The following SDK1 variants were observed in gnomAD, a reference collection of about 807,000 sequenced individuals.
The protein encoded by SDK1 is protein sidekick-1.
SDK1 carries 157 observed loss-of-function variants against 245.5 expected under a neutral mutation model. The observed-to-expected ratio is 0.64, with a 90% confidence interval of 0.56 to 0.73. SDK1 has a LOEUF of 0.73. SDK1 is among the 30% of genes least tolerant of loss of function. The pLI is 0.00. For missense variants in SDK1, 3,583 were observed against 3,002.3 expected (o/e 1.19, Z -4.52); for synonymous variants, 1,647 against 1,278.5 (o/e 1.29, Z -6.15).
chr7:3,454,781 G>C (rs1475610535), intron 1 of SDK1, among the ~76,000 whole-genome samples: 1 of 152,158 alleles, frequency 6.6e-6, no homozygotes, highest in East Asian at 1.9e-4. Context: ...CAGTTGTTGA[G>C]CTGCTGTGAA....
intron 24 of SDK1, 80 bp downstream of exon 24, chr7:4,113,519 G>T (rs755604795): frequency 6.2e-5 from 93 of 1,496,396 alleles, no homozygotes; most frequent in Non-Finnish European, 7.4e-5. Context: ...GGGCTTAGGA[G>T]TTTCTTAGTC....
rs143917786 is a variant in SDK1, at chr7:4,265,148, G to T, written c.6406G>T (p.Ala2136Ser). The T allele has an allele frequency of 1.9e-6, 3 of 1,612,100 alleles. No homozygotes were observed. The highest frequency in any genetic ancestry group is 1.7e-5 in the Admixed American group (1 of 59,954). Reference sequence around the variant, plus strand: ...GGCCACGGACTCTGACTACGAGGACGCGCTGCCCAAGCACTCCTTCGTGAA... The same window carrying T: ...GGCCACGGACTCTGACTACGAGGACTCGCTGCCCAAGCACTCCTTCGTGAA... ...SEATDSDYEDALPKHSFVNHY... is the reference protein window; with the variant it reads ...SEATDSDYEDSLPKHSFVNHY... Residue 2136 changes from alanine (A) to serine (S), a missense_variant, in exon 45 of 45, where the codon GCG becomes TCG. Physicochemically the swap from Ala to Ser is moderately conservative, Grantham distance 99 (BLOSUM62 1). Transcript: ENST00000404826.
At chr7:4,226,213 C>A (rs970968801) in intron 40 of SDK1, among the ~76,000 whole-genome samples, 4 of 152,194 alleles carry the variant, frequency 2.6e-5, no homozygotes, top group Non-Finnish European at 5.9e-5. Context: ...AATGAATGGG[C>A]CCCGTTTTGT....
At chr7:3,449,244 C>T (rs184342108) in intron 1 of SDK1, among the ~76,000 whole-genome samples, 345 of 152,226 alleles carry the variant, frequency 2.3e-3, no homozygotes, top group Non-Finnish European at 3.9e-3. Flanking sequence ...GGCAAATTGC[C>T]GATTTCACAC....
rs142879245 is a variant in SDK1 at position 3,734,466 on chromosome 7, A to T, written c.714-86984A>T. Among the ~76,000 whole-genome samples the T allele has an allele frequency of 4.8e-3, 738 of 152,358 alleles. 6 individuals carry two copies. Among genetic ancestry groups the T allele is most frequent in the African/African-American group, 0.017 (700 of 41,590 alleles). On this transcript the variant is annotated intron_variant, in intron 4 of 44. Transcript: ENST00000404826. ...TAATCCACTTATAGATGGTGTTAAG[A>T]ATGATCCTTGAAAAGGGATGTACTT...
At chr7:3,900,695 T>A (rs1323929124) in intron 5 of SDK1, among the ~76,000 whole-genome samples, 2 of 152,172 alleles carry the variant, frequency 1.3e-5, no homozygotes, top group African/African-American at 2.4e-5. Flanking sequence ...TCACCCACCA[T>A]GAGCATTTGG....
intron 14 of SDK1, among the ~76,000 whole-genome samples, chr7:3,993,846 C>A (rs963943138): frequency 6.6e-6 from 1 of 152,188 alleles, no homozygotes; most frequent in Admixed American, 6.5e-5. Flanking sequence ...ACTCTTCTCT[C>A]CTGAGGCCAT....
chr7:3,841,559 T>TG (rs1263896267), intron 5 of SDK1, among the ~76,000 whole-genome samples: 1 of 150,926 alleles, frequency 6.6e-6, no homozygotes, highest in Non-Finnish European at 1.5e-5. Flanking sequence ...ATCAGATTAT[T>TG]TTTTTCTCTT....
At chr7:3,935,247 G>A (rs984375525) in intron 5 of SDK1, among the ~76,000 whole-genome samples, 2 of 152,324 alleles carry the variant, frequency 1.3e-5, no homozygotes, top group African/African-American at 2.4e-5. Context: ...ACCTGACACC[G>A]TGTACAAAGC....
chr7:3,863,735 G>T (rs898615166), intron 5 of SDK1, among the ~76,000 whole-genome samples: 1 of 152,124 alleles, frequency 6.6e-6, no homozygotes, highest in Non-Finnish European at 1.5e-5. Context: ...ATGTCTTCAG[G>T]GTTCATCCAT....
intron 4 of SDK1, among the ~76,000 whole-genome samples, chr7:3,692,584 CTTAT>C (rs1333723225): frequency 6.6e-6 from 1 of 151,748 alleles, no homozygotes; most frequent in East Asian, 1.9e-4. Context: ...AATTTTTGTG[CTTAT>C]TTAAACTGAT....
intron 4 of SDK1, among the ~76,000 whole-genome samples, chr7:3,782,084 A>G (rs1186343339): frequency 6.6e-6 from 1 of 152,202 alleles, no homozygotes; most frequent in Non-Finnish European, 1.5e-5. Context: ...CTGTAAAGGA[A>G]TACCCAAGAC....
chr7:3,881,618 T>C (rs769737786), intron 5 of SDK1, among the ~76,000 whole-genome samples: 22 of 152,226 alleles, frequency 1.4e-4, no homozygotes, highest in Non-Finnish European at 2.2e-4. Context: ...CATTTGGTTA[T>C]ATAACCAGTA....
chr7:3,324,872 A>G (rs1779902990), intron 1 of SDK1, among the ~76,000 whole-genome samples: 1 of 152,178 alleles, frequency 6.6e-6, no homozygotes. Context: ...TTACGTTTGA[A>G]AGAAAGTCCT....
intron 5 of SDK1, among the ~76,000 whole-genome samples, chr7:3,922,014 A>G (rs1779601990): frequency 3.3e-5 from 5 of 152,038 alleles, no homozygotes; most frequent in Non-Finnish European, 7.4e-5. Flanking sequence ...AGCCCCTGTT[A>G]CTCAGGAGCC....
intron 5 of SDK1, among the ~76,000 whole-genome samples, chr7:3,912,342 T>C (rs535326428): frequency 3.1e-4 from 47 of 152,348 alleles, no homozygotes; most frequent in African/African-American, 1.1e-3. Flanking sequence ...AGTTCCAAAA[T>C]GTATTTGACC....
At chr7:4,258,106 T>C (rs1051288419) in intron 44 of SDK1, among the ~76,000 whole-genome samples, 4 of 152,220 alleles carry the variant, frequency 2.6e-5, no homozygotes, top group Admixed American at 6.5e-5. Flanking sequence ...ACAGGACTTT[T>C]AGATCTTTGG....
At chr7:3,601,705 T>G (rs188728218) in intron 1 of SDK1, among the ~76,000 whole-genome samples, 2 of 152,056 alleles carry the variant, frequency 1.3e-5, no homozygotes, top group South Asian at 2.1e-4. Flanking sequence ...ACTTTAAGTT[T>G]TAGGGTACAT....
At position 3,954,660 on chromosome 7, in the gene SDK1, C is replaced by G. The variant is rs1043650141; in HGVS notation, c.1150+2740C>G. Among the ~76,000 whole-genome samples, 9 of 145,004 alleles carry G rather than the reference C, an allele frequency of 6.2e-5. No individual in the cohort carries two copies. The East Asian group carries it at 1.6e-3, about 26-fold the overall frequency. On this transcript the variant is annotated intron_variant, in intron 7 of 44. Coordinates refer to ENST00000404826, the MANE Select transcript of SDK1 (RefSeq NM_152744.4). ...CCCCTCTACACCCTCCGCTTCCGTC[C>G]CACCTCCCTTCTACACCCTCTACAC...
Sources: allele counts gnomAD v4.1 joint callset (sites outside exome capture counted in the v4.1 genomes callset), GRCh38; gene constraint gnomAD v4.1.1; transcripts MANE v1.5; gene names NCBI Gene and HGNC (gene_info 2026-07-23, HGNC 2026-07-21).